Variants in ZNF521 observed in about 807,000 individuals in gnomAD.
ZNF521 encodes the protein zinc finger protein 521, also known as LYST-interacting protein 3.
ZNF521 carries 14 observed loss-of-function variants against 105.5 expected under a neutral mutation model. The observed-to-expected ratio is 0.13, with a 90% CI of 0.09 to 0.21. The LOEUF (loss-of-function observed/expected upper bound fraction) is 0.21, where lower values mean the gene tolerates loss of function less well. Among genes scored for constraint, ZNF521 ranks in the 10% least tolerant of loss-of-function variants. The pLI is 1.00. For synonymous variants in ZNF521, 635 were observed against 606.0 expected (o/e 1.05, Z -0.70); for missense variants, 1,233 against 1,629.7 (o/e 0.76, Z 4.19).
intron 4 of ZNF521, 22 bp from the exon 5 acceptor site, chr18:25,195,266 G>C (rs779412119): frequency 6.6e-7 from 1 of 1,523,326 alleles, no homozygotes; most frequent in Admixed American, 2.0e-5. Flanking sequence ...AGTATAAACA[G>C]AGTTACTTAG....
intron 3 of ZNF521, among the ~76,000 whole-genome samples, chr18:25,254,945 G>A (rs761281923): frequency 3.3e-5 from 5 of 152,106 alleles, no homozygotes; most frequent in Non-Finnish European, 5.9e-5. Flanking sequence ...CTTATCATGA[G>A]TTAAGCCAGA....
intron 4 of ZNF521, among the ~76,000 whole-genome samples, chr18:25,212,759 T>C (rs1216193220): frequency 6.6e-6 from 1 of 151,084 alleles, no homozygotes. Flanking sequence ...TTTCCATAAA[T>C]GTCTTATATA....
intron 3 of ZNF521, among the ~76,000 whole-genome samples, chr18:25,293,263 C>T (rs963091329): frequency 5.3e-5 from 8 of 151,894 alleles, no homozygotes; most frequent in African/African-American, 1.9e-4. Context: ...AGATTATTAG[C>T]AAACACTCCT....
chr18:25,331,062 C>T (rs1018055160), intron 2 of ZNF521, among the ~76,000 whole-genome samples: 1 of 152,124 alleles, frequency 6.6e-6, no homozygotes, highest in Non-Finnish European at 1.5e-5. Flanking sequence ...TTCTTCTTGC[C>T]AGATTTGAAA....
chr18:25,124,502 T>C (rs1479210026), intron 5 of ZNF521, among the ~76,000 whole-genome samples: 2 of 152,172 alleles, frequency 1.3e-5, no homozygotes, highest in Non-Finnish European at 2.9e-5. Flanking sequence ...GAATTTACAG[T>C]GTAAATATAA....
chr18:25,126,628 C>T (rs1297262389), intron 5 of ZNF521, among the ~76,000 whole-genome samples: 1 of 152,082 alleles, frequency 6.6e-6, no homozygotes, highest in African/African-American at 2.4e-5. Context: ...GAGCCACATA[C>T]AACCATTCTA....
chr18:25,167,541 T>C (rs928968650), intron 5 of ZNF521, among the ~76,000 whole-genome samples: 1 of 152,342 alleles, frequency 6.6e-6, no homozygotes, highest in East Asian at 1.9e-4. Context: ...CAAAGGTGGA[T>C]GCTTGTTATT....
chr18:25,285,152 TC>T (rs1447016121), intron 3 of ZNF521, among the ~76,000 whole-genome samples: 4 of 152,316 alleles, frequency 2.6e-5, no homozygotes, highest in African/African-American at 9.6e-5. Context: ...GTTATTCTCT[TC>T]TTCCTGGTGT....
chr18:25,281,522 T>C (rs1262262675), intron 3 of ZNF521, among the ~76,000 whole-genome samples: 1 of 152,222 alleles, frequency 6.6e-6, no homozygotes, highest in Non-Finnish European at 1.5e-5. Context: ...CTCTACATAG[T>C]AACAATCAAT....
chr18:25,134,813 T>C (rs922220157), intron 5 of ZNF521, among the ~76,000 whole-genome samples: 14 of 152,010 alleles, frequency 9.2e-5, no homozygotes, highest in East Asian at 3.9e-4. Context: ...CTCAACACTT[T>C]GCAGCAATTT....
At chr18:25,214,874 T>C (rs562900188) in intron 4 of ZNF521, among the ~76,000 whole-genome samples, 2 of 152,138 alleles carry the variant, frequency 1.3e-5, no homozygotes, top group Admixed American at 1.3e-4. Flanking sequence ...GAATAATCAA[T>C]GGCTCCTGGG....
chr18:25,071,152 TA>T (rs1399642264), intron 7 of ZNF521, among the ~76,000 whole-genome samples: 1 of 152,190 alleles, frequency 6.6e-6, no homozygotes, highest in Non-Finnish European at 1.5e-5. Flanking sequence ...TTCCCCATTT[TA>T]AAAAGAGAAC....
At chr18:25,068,219 T>C (rs1046364192) in intron 7 of ZNF521, among the ~76,000 whole-genome samples, 13 of 152,192 alleles carry the variant, frequency 8.5e-5, no homozygotes, top group African/African-American at 3.1e-4. Context: ...AAAGATTAAA[T>C]GTGGCTGTTT....
At chr18:25,166,416 T>C (rs1365423915) in intron 5 of ZNF521, among the ~76,000 whole-genome samples, 1 of 152,212 alleles carries the variant, frequency 6.6e-6, no homozygotes, top group Non-Finnish European at 1.5e-5. Context: ...AACTGGATTT[T>C]TTTAAACAAG....
chr18:25,078,750 T>C (rs186200325), intron 7 of ZNF521, among the ~76,000 whole-genome samples: 16 of 152,340 alleles, frequency 1.1e-4, no homozygotes, highest in Admixed American at 8.5e-4. Flanking sequence ...CAAGAATATA[T>C]ACTATGAAAC....
chr18:25,314,055 GAATT>G (rs140354710), intron 3 of ZNF521, among the ~76,000 whole-genome samples: 2,443 of 152,068 alleles, frequency 0.016, 72 homozygotes, highest in African/African-American at 0.056. Context: ...TATGAATAAT[GAATT>G]AATATAGAAA....
intron 2 of ZNF521, among the ~76,000 whole-genome samples, chr18:25,348,944 A>C (rs1914579935): frequency 6.6e-6 from 1 of 152,160 alleles, no homozygotes; most frequent in African/African-American, 2.4e-5. Flanking sequence ...CTGGGAACAA[A>C]CGCATTCACA....
At chr18:25,135,036 G>A (rs1398466402) in intron 5 of ZNF521, among the ~76,000 whole-genome samples, 2 of 152,078 alleles carry the variant, frequency 1.3e-5, no homozygotes, top group African/African-American at 4.8e-5. Flanking sequence ...CTTGACAGGA[G>A]CCCACAAGGT....
intron 4 of ZNF521, among the ~76,000 whole-genome samples, chr18:25,210,562 T>C (rs535035204): frequency 6.6e-6 from 1 of 152,228 alleles, no homozygotes; most frequent in Non-Finnish European, 1.5e-5. Flanking sequence ...GTATATCACA[T>C]ACTTACGAGG....
Sources: allele counts gnomAD v4.1 joint callset (sites outside exome capture counted in the v4.1 genomes callset), GRCh38; gene constraint gnomAD v4.1.1; transcripts MANE v1.5; gene names NCBI Gene and HGNC (gene_info 2026-07-23, HGNC 2026-07-21).